JMJD1C: variants seen among roughly 807,000 people sequenced by gnomAD.
JMJD1C encodes jumonji domain-containing protein 1C.
Under a neutral mutation model 245.3 loss-of-function variants are expected in JMJD1C, and 31 were observed. The ratio of observed to expected loss-of-function variants is 0.13; its 90% CI spans 0.09 to 0.17. JMJD1C has a LOEUF of 0.17. Ranked by LOEUF, JMJD1C falls within the 10% of genes least tolerant of loss-of-function variation. The probability of loss-of-function intolerance (pLI) is 1.00; values close to 1 mark genes in which losing one functional copy is unlikely to be tolerated. For synonymous variants in JMJD1C, 1,057 were observed against 1,017.4 expected (o/e 1.04, Z -0.74); for missense variants, 2,691 against 3,000.2 (o/e 0.90, Z 2.41).
At chr10:63,199,483 C>T (rs78584069) in intron 11 of JMJD1C, among the ~76,000 whole-genome samples, 5,337 of 152,152 alleles carry the variant, frequency 0.035, 293 homozygotes, top group East Asian at 0.27. Flanking sequence ...TTATTCTTTC[C>T]AAAGCTTCCT....
At chr10:63,288,356 A>G (rs922259470) in intron 2 of JMJD1C, among the ~76,000 whole-genome samples, 2 of 152,160 alleles carry the variant, frequency 1.3e-5, no homozygotes, top group African/African-American at 4.8e-5. Context: ...TAATATTTCA[A>G]TGTCTGAATG....
intron 3 of JMJD1C, among the ~76,000 whole-genome samples, chr10:63,234,522 C>T: frequency 1.8e-5 from 1 of 55,384 alleles, no homozygotes. Flanking sequence ...AAAAAAAAAA[C>T]ACCAAAAACA....
At position 63,188,447 on chromosome 10, in the gene JMJD1C, A is replaced by T. The variant is rs576780912; in HGVS notation, c.6570+721T>A. Among the ~76,000 whole-genome samples the T allele has an allele frequency of 5.0e-4, 76 of 152,346 alleles. 1 individual carries two copies. In the South Asian group the frequency reaches 0.015, roughly 31 times the overall value. ...TAAAATGGTTCTTACTCATTTTTAC[A>T]TAGCTTACTCATTTTTATATATTCT... On this transcript the variant is annotated intron_variant, in intron 18 of 25. Transcript: ENST00000399262.
chr10:63,399,783 T>A lies in JMJD1C; in HGVS notation c.169-19301A>T, dbSNP rs12249761. ...GCTTTTCCTTTTAGGATTTTTTTTT[T>A]TAATGACAAAAACTTCTTTTGGGAT... is the stretch of plus-strand genomic sequence containing the variant. On this transcript the variant is annotated intron_variant, in intron 1 of 25. Transcript: ENST00000399262. Among the ~76,000 whole-genome samples the A allele has an allele frequency of 8.3e-3, 1,268 of 152,126 alleles. 22 individuals carry two copies. The highest frequency in any genetic ancestry group is 0.03 in the African/African-American group (1,229 of 41,522).
intron 2 of JMJD1C, among the ~76,000 whole-genome samples, chr10:63,291,311 A>G (rs1176761325): frequency 5.8e-3 from 31 of 5,386 alleles, no homozygotes; most frequent in Admixed American, 6.6e-3. Flanking sequence ...TCTGTCTCAG[A>G]AAAAAAAAAA....
chr10:63,378,989 T>C (rs1446369435), intron 2 of JMJD1C, among the ~76,000 whole-genome samples: 2 of 152,134 alleles, frequency 1.3e-5, no homozygotes, highest in African/African-American at 4.8e-5. Flanking sequence ...ATATTTTGTT[T>C]TTAAAAATGC....
At chr10:63,397,637 A>C (rs1434542516) in intron 1 of JMJD1C, among the ~76,000 whole-genome samples, 1 of 152,054 alleles carries the variant, frequency 6.6e-6, no homozygotes, top group Non-Finnish European at 1.5e-5. Flanking sequence ...GGGCTCAAAC[A>C]ATCCTCCCAC....
At chr10:63,505,104 A>G (rs1227364623) in intron 1 of JMJD1C, among the ~76,000 whole-genome samples, 1 of 152,178 alleles carries the variant, frequency 6.6e-6, no homozygotes, top group Non-Finnish European at 1.5e-5. Context: ...CGAGGTCAGG[A>G]GATCGAGACC....
chr10:63,386,438 T>C (rs567793480), intron 1 of JMJD1C, among the ~76,000 whole-genome samples: 15 of 152,344 alleles, frequency 9.8e-5, no homozygotes, highest in African/African-American at 2.6e-4. Context: ...GCCACCCCTG[T>C]TGACCACAGC....
intron 2 of JMJD1C, among the ~76,000 whole-genome samples, chr10:63,319,069 A>G (rs967112672): frequency 1.3e-5 from 2 of 151,810 alleles, no homozygotes; most frequent in Admixed American, 6.6e-5. Context: ...CACCATCCTG[A>G]CTAACATGGT....
intron 2 of JMJD1C, among the ~76,000 whole-genome samples, chr10:63,294,527 GC>G (rs1229440926): frequency 1.3e-5 from 2 of 151,972 alleles, no homozygotes; most frequent in Admixed American, 6.6e-5. Flanking sequence ...CTCGTGATCC[GC>G]CCGCCTTGGC....
At chr10:63,391,786 GA>G (rs2134607692) in intron 1 of JMJD1C, among the ~76,000 whole-genome samples, 1 of 152,028 alleles carries the variant, frequency 6.6e-6, no homozygotes, top group South Asian at 2.1e-4. Context: ...CAGAAATAGA[GA>G]AAACAATCCT....
At chr10:63,328,759 A>C (rs1941811032) in intron 2 of JMJD1C, among the ~76,000 whole-genome samples, 1 of 152,264 alleles carries the variant, frequency 6.6e-6, no homozygotes, top group Non-Finnish European at 1.5e-5. Context: ...AATAAGTAGA[A>C]TTACACAAAA....
intron 1 of JMJD1C, among the ~76,000 whole-genome samples, chr10:63,443,610 C>A (rs949210073): frequency 1.3e-5 from 2 of 152,184 alleles, no homozygotes; most frequent in Non-Finnish European, 2.9e-5. Flanking sequence ...CTGCTCCCAG[C>A]CTTTTGACAG....
intron 2 of JMJD1C, among the ~76,000 whole-genome samples, chr10:63,279,806 C>G (rs995857980): frequency 3.3e-5 from 5 of 152,106 alleles, no homozygotes; most frequent in Admixed American, 1.3e-4. Context: ...TTTGAAGACA[C>G]TAAACCAATA....
intron 3 of JMJD1C, among the ~76,000 whole-genome samples, chr10:63,237,999 T>C (rs1850954131): frequency 1.0e-5 from 1 of 98,448 alleles, no homozygotes; most frequent in Non-Finnish European, 1.8e-5. Flanking sequence ...TGAAACCCCG[T>C]CTCTACTAAA....
At chr10:63,513,546 T>G (rs1489152250) in intron 1 of JMJD1C, among the ~76,000 whole-genome samples, 1 of 152,162 alleles carries the variant, frequency 6.6e-6, no homozygotes, top group Non-Finnish European at 1.5e-5. Flanking sequence ...GGAGAAAGTA[T>G]TCACAAACCA....
At chr10:63,206,494 C>CA in intron 10 of JMJD1C, 101 bp downstream of exon 10, 1 of 857,654 alleles carries the variant, frequency 1.2e-6, no homozygotes, top group Non-Finnish European at 1.8e-6. Flanking sequence ...CAAATGAAGA[C>CA]AAAGGATGCC....
At chr10:63,467,316 T>C (rs1478283219), upstream of JMJD1C, among the ~76,000 whole-genome samples, 3 of 152,006 alleles carry the variant, frequency 2.0e-5, no homozygotes, top group Non-Finnish European at 4.4e-5. Flanking sequence ...CTGGCCAACA[T>C]GATGAAACTA....
Sources: allele counts gnomAD v4.1 joint callset (sites outside exome capture counted in the v4.1 genomes callset), GRCh38; gene constraint gnomAD v4.1.1; transcripts MANE v1.5; gene names NCBI Gene and HGNC (gene_info 2026-07-23, HGNC 2026-07-21).